Variants in ELAPOR2 observed in about 807,000 individuals in gnomAD.
The protein encoded by ELAPOR2 is endosome-lysosome associated apoptosis and autophagy regulator family member 2.
A neutral mutation model predicts 120.7 loss-of-function variants in ELAPOR2; 89 were observed. The ratio of observed to expected loss-of-function variants is 0.74; its 90% CI spans 0.62 to 0.88. The LOEUF (loss-of-function observed/expected upper bound fraction) is 0.88, where lower values mean the gene tolerates loss of function less well. Among genes scored for constraint, ELAPOR2 ranks in the 40% least tolerant of loss-of-function variants. The probability of loss-of-function intolerance (pLI) is 0.00; values close to 1 mark genes in which losing one functional copy is unlikely to be tolerated. For synonymous variants in ELAPOR2, 444 were observed against 444.9 expected (o/e 1.00, Z 0.03); for missense variants, 1,134 against 1,251.6 (o/e 0.91, Z 1.42).
chr7:87,043,247 C>T (rs977171286), intron 1 of ELAPOR2, among the ~76,000 whole-genome samples: 4 of 151,518 alleles, frequency 2.6e-5, no homozygotes, highest in African/African-American at 9.8e-5. Flanking sequence ...GGGAATCCTC[C>T]CTAACTCATT....
At chr7:86,955,447 C>G (rs1791433293) in intron 2 of ELAPOR2, among the ~76,000 whole-genome samples, 1 of 151,896 alleles carries the variant, frequency 6.6e-6, no homozygotes, top group Non-Finnish European at 1.5e-5. Flanking sequence ...ACAATGAAAG[C>G]TGGTTGTGAG....
intron 1 of ELAPOR2, among the ~76,000 whole-genome samples, chr7:86,973,125 C>T (rs60623709): frequency 6.6e-6 from 1 of 152,072 alleles, no homozygotes; most frequent in Non-Finnish European, 1.5e-5. Context: ...CTTGCCCACA[C>T]CTACTACACT....
rs749195857 is a variant in ELAPOR2, at chr7:87,053,449, A to AC, written c.189+5875dup. 3.2e-4 allele frequency among the ~76,000 whole-genome samples: 48 copies of AC among 151,960 alleles called. 2 individuals carry two copies. On this transcript the variant is annotated intron_variant, in intron 1 of 21. Coordinates refer to ENST00000450689, the MANE Select transcript of ELAPOR2 (RefSeq NM_001142749.3). ...CCTTTGTGTGATTTAGAAAATAGTG[A>AC]CCCCCTCTGGGCATATGAACTAGAA...
chr7:86,926,730 T>A lies in ELAPOR2; in HGVS notation c.1270+6A>T, dbSNP rs775990315. On this transcript the variant is annotated splice_donor_region_variant and intron_variant, in intron 9 of 21. Transcript: ENST00000450689. ...GGCCCAGTTATTGGACCAATTGACA[T>A]CCTACCTTTGGTTCCATCTGAAAAT... The A allele has an allele frequency of 1.9e-6, 3 of 1,602,966 alleles. No homozygotes were observed. In the South Asian group the frequency reaches 3.4e-5, roughly 18 times the overall value.
intron 21 of ELAPOR2, 63 bp from the exon 22 acceptor site, chr7:86,880,593 A>C: frequency 9.7e-7 from 1 of 1,027,826 alleles, no homozygotes; most frequent in Admixed American, 1.8e-5. Flanking sequence ...TTAGGATCTT[A>C]CATGTCCAGA....
chr7:86,923,310 A>G (rs1423617333), intron 10 of ELAPOR2, among the ~76,000 whole-genome samples: 2 of 151,978 alleles, frequency 1.3e-5, no homozygotes, highest in African/African-American at 4.8e-5. Flanking sequence ...CATTAAAAAG[A>G]TTGTTTGAGA....
At chr7:86,943,903 T>A (rs573524053) in intron 4 of ELAPOR2, among the ~76,000 whole-genome samples, 59 of 152,062 alleles carry the variant, frequency 3.9e-4, no homozygotes, top group Non-Finnish European at 6.9e-4. Flanking sequence ...TAGAAGTGAA[T>A]GCTTAGTGCC....
chr7:87,003,266 G>T (rs550929561), intron 1 of ELAPOR2, among the ~76,000 whole-genome samples: 1 of 152,184 alleles, frequency 6.6e-6, no homozygotes, highest in Non-Finnish European at 1.5e-5. Context: ...AATGTATATG[G>T]TACCAGCCAA....
chr7:86,902,225 G>A (rs1206228015), intron 18 of ELAPOR2, among the ~76,000 whole-genome samples: 2 of 152,084 alleles, frequency 1.3e-5, no homozygotes, highest in Non-Finnish European at 2.9e-5. Flanking sequence ...TGCCCAAGCT[G>A]GGGTGCTATG....
intron 1 of ELAPOR2, among the ~76,000 whole-genome samples, chr7:86,972,405 C>T (rs1439180746): frequency 2.0e-5 from 3 of 152,078 alleles, no homozygotes; most frequent in Admixed American, 6.6e-5. Flanking sequence ...AAAGGCTGCA[C>T]CTCCCTGGTT....
At chr7:86,913,861 T>C (rs1396071832) in intron 13 of ELAPOR2, among the ~76,000 whole-genome samples, 1 of 152,206 alleles carries the variant, frequency 6.6e-6, no homozygotes, top group Admixed American at 6.5e-5. Context: ...GGCGTCACTC[T>C]ATCGGTACAG....
At chr7:86,904,097 A>G (rs998837822) in intron 18 of ELAPOR2, among the ~76,000 whole-genome samples, 7 of 152,238 alleles carry the variant, frequency 4.6e-5, no homozygotes, top group African/African-American at 1.7e-4. Flanking sequence ...CTGCAGCTAT[A>G]CAACCTGGCG....
At chr7:86,959,844 T>C (rs539080687) in intron 2 of ELAPOR2, among the ~76,000 whole-genome samples, 2 of 152,372 alleles carry the variant, frequency 1.3e-5, no homozygotes, top group South Asian at 2.1e-4. Flanking sequence ...CTTTTCTTAA[T>C]GTAGGTACTT....
At chr7:87,049,878 T>C (rs1795053180) in intron 1 of ELAPOR2, among the ~76,000 whole-genome samples, 1 of 152,162 alleles carries the variant, frequency 6.6e-6, no homozygotes, top group African/African-American at 2.4e-5. Context: ...TGGGGCCTAA[T>C]GGGAGGTATT....
Position 86,991,239 on chromosome 7 carries a change from A to AC in ELAPOR2, c.190-26216_190-26215insG, listed in dbSNP as rs1440076214. ...GCTTTGTGGGTGACCATATCAGGTG[A>AC]TTGATGTATCAGGTGAATGTTGATG... On this transcript the variant is annotated intron_variant, in intron 1 of 21. Coordinates refer to ENST00000450689, the MANE Select transcript of ELAPOR2 (RefSeq NM_001142749.3). Among the ~76,000 whole-genome samples the AC allele has an allele frequency of 5.9e-5, 9 of 152,340 alleles. 1 individual carries two copies. The highest frequency in any genetic ancestry group is 1.9e-4 in the African/African-American group (8 of 41,576).
At chr7:86,918,735 T>G (rs1789684754) in intron 11 of ELAPOR2, among the ~76,000 whole-genome samples, 191 bp from the exon 12 acceptor site, 1 of 152,122 alleles carries the variant, frequency 6.6e-6, no homozygotes, top group African/African-American at 2.4e-5. Flanking sequence ...TGAGTCCACA[T>G]AACGATGGTA....
intron 8 of ELAPOR2, among the ~76,000 whole-genome samples, chr7:86,937,357 A>G (rs1790604106): frequency 6.6e-6 from 1 of 152,112 alleles, no homozygotes; most frequent in African/African-American, 2.4e-5. Flanking sequence ...TGACATCTAT[A>G]TATGCTTTCC....
rs950941662 is a variant in ELAPOR2, at chr7:86,899,123, G to A, written c.2559-1491C>T. Reference sequence around the variant, plus strand: ...TCACGAAGAACTAACCACTAGGGAGGCTCTGGAGACTTTTTGAAACTCTTC... The same window carrying A: ...TCACGAAGAACTAACCACTAGGGAGACTCTGGAGACTTTTTGAAACTCTTC... On this transcript the variant is annotated intron_variant, in intron 18 of 21. Coordinates refer to ENST00000450689, the MANE Select transcript of ELAPOR2 (RefSeq NM_001142749.3). 3.9e-5 allele frequency among the ~76,000 whole-genome samples: 6 copies of A among 152,270 alleles called. No individual in the cohort carries two copies. In the South Asian group the frequency reaches 1.2e-3, roughly 32 times the overall value.
chr7:86,960,849 T>G (rs901960662), intron 2 of ELAPOR2, among the ~76,000 whole-genome samples: 12 of 152,270 alleles, frequency 7.9e-5, no homozygotes, highest in African/African-American at 2.9e-4. Flanking sequence ...TAACGTCCAT[T>G]AAATATGGGT....
Sources: gnomAD v4.1 joint callset for allele counts (sites outside exome capture counted in the v4.1 genomes callset) on GRCh38, gnomAD v4.1.1 for gene constraint, MANE v1.5 for transcripts, NCBI Gene and HGNC (gene_info 2026-07-23, HGNC 2026-07-21) for gene names.